Variants in MAMLD1 observed in about 807,000 individuals in gnomAD.
MAMLD1 encodes the protein mastermind-like domain-containing protein 1.
In MAMLD1, 14 loss-of-function variants were observed where a neutral mutation model predicts 45.0. The observed-to-expected ratio is 0.31, with a 90% CI of 0.21 to 0.49. The LOEUF is 0.49. Among genes scored for constraint, MAMLD1 ranks in the 20% least tolerant of loss-of-function variants. MAMLD1 has a pLI of 0.99. For missense variants in MAMLD1, 543 were observed against 603.6 expected (o/e 0.90, Z 1.05); for synonymous variants, 254 against 247.8 (o/e 1.02, Z -0.24).
At chrX:150,504,833 C>A (rs1392271421) in intron 6 of MAMLD1, 1 of 752,616 alleles carries the variant, frequency 1.3e-6, no homozygotes, top group Non-Finnish European at 1.6e-6. Flanking sequence ...CACCTGAGGG[C>A]CTTTGAGGGT....
chrX:150,506,595 A>T (rs1215901964), intron 6 of MAMLD1, among the ~76,000 whole-genome samples: 1 of 112,353 alleles, frequency 8.9e-6, no homozygotes, highest in Non-Finnish European at 1.9e-5. Context: ...CATCTGTCTC[A>T]GTCCCCGAAT....
rs377661370 is a variant in MAMLD1 at position 150,498,906 on chromosome X, T to C, written c.2041-4368T>C. Among the ~76,000 whole-genome samples the C allele has an allele frequency of 3.2e-4, 36 of 112,605 alleles. No homozygotes were observed. The East Asian group carries it at 4.7e-3, about 15-fold the overall frequency. On this transcript the variant is annotated intron_variant, in intron 5 of 7. Transcript: ENST00000370401. Reference sequence around the variant, plus strand: ...AAGCGTGACTTACATTACGTTTTCCTGTTTCCCCGGTGCATTATTTCAAAT... The same window carrying C: ...AAGCGTGACTTACATTACGTTTTCCCGTTTCCCCGGTGCATTATTTCAAAT...
At chrX:150,507,145 G>A (rs1392799348) in intron 6 of MAMLD1, among the ~76,000 whole-genome samples, 1 of 111,940 alleles carries the variant, frequency 8.9e-6, no homozygotes, top group Non-Finnish European at 1.9e-5. Flanking sequence ...TAGAAAATTT[G>A]ACGACCCCTT....
chrX:150,449,641 G>T (rs182749727), intron 2 of MAMLD1, among the ~76,000 whole-genome samples: 2 of 111,565 alleles, frequency 1.8e-5, no homozygotes, highest in East Asian at 5.7e-4. Context: ...TTTTGAGCAG[G>T]TTTCTTTCTT....
intron 1 of MAMLD1, among the ~76,000 whole-genome samples, chrX:150,432,300 T>C (rs782132028): frequency 1.2e-4 from 13 of 112,181 alleles, no homozygotes; most frequent in Non-Finnish European, 5.6e-5. Flanking sequence ...AAGTTCCTTA[T>C]AGATTCTAGA....
At chrX:150,394,960 T>G (rs1364007338) in intron 1 of MAMLD1, among the ~76,000 whole-genome samples, 2 of 112,184 alleles carry the variant, frequency 1.8e-5, no homozygotes, top group African/African-American at 6.5e-5. Context: ...AGCTAAGACT[T>G]CCAGAACAAT....
chrX:150,430,291 G>A (rs941107087), intron 1 of MAMLD1, among the ~76,000 whole-genome samples: 8 of 109,633 alleles, frequency 7.3e-5, no homozygotes, highest in South Asian at 3.9e-4. Flanking sequence ...GCTTCTGCCC[G>A]TTTTCTAATT....
chrX:150,431,571 G>A (rs1012039694), intron 1 of MAMLD1, among the ~76,000 whole-genome samples: 3 of 110,006 alleles, frequency 2.7e-5, no homozygotes, highest in African/African-American at 9.9e-5. Context: ...TCTTCCCTCC[G>A]TCCACCCTCA....
intron 5 of MAMLD1, among the ~76,000 whole-genome samples, chrX:150,500,899 A>G (rs1557408489): frequency 9.0e-6 from 1 of 111,286 alleles, no homozygotes; most frequent in Non-Finnish European, 1.9e-5. Context: ...CATCTCTTTT[A>G]TTTATTTTTT....
intron 4 of MAMLD1, 67 bp from the exon 5 acceptor site, chrX:150,473,613 G>A (rs959916448): frequency 2.4e-5 from 27 of 1,130,490 alleles, no homozygotes; most frequent in African/African-American, 1.6e-4. Flanking sequence ...CATAGGACAC[G>A]GCAGGCCACC....
At chrX:150,400,942 G>A (rs1417591126) in intron 1 of MAMLD1, among the ~76,000 whole-genome samples, 8 of 109,360 alleles carry the variant, frequency 7.3e-5, no homozygotes, top group African/African-American at 2.0e-4. Flanking sequence ...GTCTCTGCCT[G>A]GCTTTGGTAT....
At chrX:150,416,180 TG>T (rs2034243962) in intron 1 of MAMLD1, among the ~76,000 whole-genome samples, 1 of 111,671 alleles carries the variant, frequency 9.0e-6, no homozygotes, top group Non-Finnish European at 1.9e-5. Context: ...TCAAATGTCT[TG>T]TTCACCCTGA....
chrX:150,477,170 C>G (rs936331091), intron 5 of MAMLD1, among the ~76,000 whole-genome samples: 5 of 110,147 alleles, frequency 4.5e-5, no homozygotes, highest in African/African-American at 1.7e-4. Context: ...CCACCTTTTC[C>G]GCGGGGCAAG....
chrX:150,465,310 C>T (rs185940608), intron 3 of MAMLD1, among the ~76,000 whole-genome samples: 160 of 112,212 alleles, frequency 1.4e-3, no homozygotes, highest in Non-Finnish European at 2.6e-3. Flanking sequence ...TCATTCTGGA[C>T]TAGAACTATA....
In MAMLD1 at chrX:150,470,914, G is replaced by A; in HGVS notation, c.1341G>A (p.Leu447=). Residue 447 remains leucine (L), a synonymous_variant, in exon 4 of 8, where the codon CTG becomes CTA. Coordinates refer to ENST00000370401, the MANE Select transcript of MAMLD1 (RefSeq NM_005491.5). ...KTPQGHLMSA[L]PASNPGPSPP... is the part of the protein sequence containing the mutation. The stretch of plus-strand genomic sequence containing the variant: ...CTCAAGGACACCTGATGTCTGCTCT[G>A]CCTGCCAGCAACCCTGGGCCGTCCC... 8.3e-7 allele frequency: 1 copy of A among 1,211,482 alleles called. No homozygotes were observed. Among genetic ancestry groups the A allele is most frequent in the South Asian group, 1.8e-5 (1 of 56,982 alleles).
chrX:150,371,100 C>T (rs2031951172), intron 1 of MAMLD1, among the ~76,000 whole-genome samples: 2 of 111,139 alleles, frequency 1.8e-5, no homozygotes, highest in African/African-American at 6.5e-5. Context: ...CAAGGCAACT[C>T]AGTCCTGCCC....
chrX:150,383,805 C>T (rs186313317), intron 1 of MAMLD1, among the ~76,000 whole-genome samples: 14 of 111,482 alleles, frequency 1.3e-4, no homozygotes, highest in East Asian at 2.8e-4. Flanking sequence ...AATATGCTTT[C>T]GGTCTATATG....
intron 1 of MAMLD1, among the ~76,000 whole-genome samples, chrX:150,368,679 G>A (rs1205754420): frequency 3.6e-5 from 4 of 111,819 alleles, no homozygotes; most frequent in African/African-American, 9.8e-5. Context: ...TTCTTCTAGG[G>A]TTTTTATGGT....
intron 5 of MAMLD1, among the ~76,000 whole-genome samples, chrX:150,475,561 C>T (rs782100490): frequency 2.7e-5 from 3 of 112,127 alleles, no homozygotes; most frequent in Non-Finnish European, 5.6e-5. Context: ...TTCATGTCCA[C>T]GTAAGGTAAA....
Sources: gnomAD v4.1 joint callset for allele counts (sites outside exome capture counted in the v4.1 genomes callset) on GRCh38, gnomAD v4.1.1 for gene constraint, MANE v1.5 for transcripts, NCBI Gene and HGNC (gene_info 2026-07-23, HGNC 2026-07-21) for gene names.